Variants in FYN observed in about 807,000 individuals in gnomAD.
The protein encoded by FYN is tyrosine-protein kinase Fyn.
Under a neutral mutation model 70.2 loss-of-function variants are expected in FYN, and 10 were observed. The ratio of observed to expected loss-of-function variants is 0.14; its 90% CI spans 0.09 to 0.24. The LOEUF is 0.24. FYN is among the 10% of genes least tolerant of loss of function. FYN has a pLI of 1.00. For synonymous variants in FYN, 236 were observed against 248.6 expected (o/e 0.95, Z 0.48); for missense variants, 319 against 673.1 (o/e 0.47, Z 5.82).
At chr6:111,747,684 A>C (rs896703568) in intron 3 of FYN, among the ~76,000 whole-genome samples, 1 of 152,226 alleles carries the variant, frequency 6.6e-6, no homozygotes, top group African/African-American at 2.4e-5. Flanking sequence ...ATGGAAACGA[A>C]AAGCTCTCAG....
intron 3 of FYN, among the ~76,000 whole-genome samples, chr6:111,763,698 C>T (rs1803097648): frequency 1.3e-5 from 2 of 152,276 alleles, no homozygotes; most frequent in South Asian, 2.1e-4. Context: ...ATTCATGCTA[C>T]AAAACTTTTA....
At chr6:111,767,594 G>A (rs1803279864) in intron 3 of FYN, among the ~76,000 whole-genome samples, 1 of 152,106 alleles carries the variant, frequency 6.6e-6, no homozygotes, top group Non-Finnish European at 1.5e-5. Flanking sequence ...TAGAGATGGG[G>A]TTTCACCATG....
At chr6:111,797,040 A>C (rs1227514042) in intron 2 of FYN, among the ~76,000 whole-genome samples, 1 of 152,144 alleles carries the variant, frequency 6.6e-6, no homozygotes, top group Non-Finnish European at 1.5e-5. Context: ...TTTTTTTAAT[A>C]ATGTTGTTTC....
At chr6:111,680,551 T>A (rs1218383790) in intron 12 of FYN, among the ~76,000 whole-genome samples, 1 of 152,216 alleles carries the variant, frequency 6.6e-6, no homozygotes, top group African/African-American at 2.4e-5. Flanking sequence ...AGATAACACA[T>A]CATTACCTTG....
chr6:111,690,370 C>T (rs537798639), intron 12 of FYN, among the ~76,000 whole-genome samples: 16 of 152,316 alleles, frequency 1.1e-4, no homozygotes, highest in African/African-American at 3.8e-4. Context: ...ACTCATCTTT[C>T]TGGGCTTGGA....
At chr6:111,684,601 T>C (rs1798912779) in intron 12 of FYN, among the ~76,000 whole-genome samples, 1 of 152,148 alleles carries the variant, frequency 6.6e-6, no homozygotes, top group Admixed American at 6.5e-5. Flanking sequence ...AACTGTGACA[T>C]TCCTTCCAAA....
rs112078645 is a variant in FYN at position 111,825,042 on chromosome 6, A to G, written c.-82+21547T>C. Among the ~76,000 whole-genome samples, 673 of 152,328 alleles carry G rather than the reference A, an allele frequency of 4.4e-3. 3 individuals are homozygous for G. Among genetic ancestry groups the G allele is most frequent in the African/African-American group, 0.015 (640 of 41,582 alleles). On this transcript the variant is annotated intron_variant, in intron 2 of 13. Transcript: ENST00000354650. The stretch of plus-strand genomic sequence containing the variant: ...CTAACATGAGCACTCCACTGGTTGT[A>G]AAACCTGCTAGAAGACTGACAGAGT...
intron 8 of FYN, 53 bp from the exon 9 acceptor site, chr6:111,700,321 A>G (rs1265723418): frequency 1.3e-6 from 2 of 1,583,810 alleles, no homozygotes; most frequent in African/African-American, 2.7e-5. Flanking sequence ...AACACATGTA[A>G]TGACAACACT....
intron 13 of FYN, among the ~76,000 whole-genome samples, chr6:111,664,607 G>A (rs546993667): frequency 7.9e-5 from 12 of 151,356 alleles, no homozygotes; most frequent in East Asian, 3.9e-4. Context: ...AGCGTCTCCC[G>A]AGGCAGTCTT....
chr6:111,869,824 G>A (rs72944243), intron 1 of FYN, among the ~76,000 whole-genome samples: 2 of 152,342 alleles, frequency 1.3e-5, no homozygotes, highest in African/African-American at 2.4e-5. Flanking sequence ...AGCATCAGAT[G>A]ATTGTATCAC....
In FYN at chr6:111,873,051, TC is replaced by T. The variant is rs1315815646; in HGVS notation, c.-207del. On this transcript the variant is annotated 5_prime_UTR_variant, in exon 1 of 14. Transcript: ENST00000354650. ...GCGCGGCCGAGGCGGCTCCGGGGGG[TC>T]CCCGGCGGGCCCGGGAGCCGGTGGG... 1.4e-5 allele frequency: 2 copies of T among 146,116 alleles called. No individual in the cohort carries two copies. The highest frequency in any genetic ancestry group is 6.7e-5 in the Admixed American group (1 of 14,872). 9.1% of individuals were successfully genotyped at this position (146,116 alleles called of 1,614,324 possible). A position where few individuals can be genotyped will look rare whatever the true frequency, so the allele number is the denominator to read the frequency against.
At chr6:111,707,873 A>T in intron 6 of FYN, 49 bp downstream of exon 6, 1 of 1,407,854 alleles carries the variant, frequency 7.1e-7, no homozygotes, top group Non-Finnish European at 1.0e-6. Context: ...TTATTGCGGC[A>T]ATCAACTTTT....
chr6:111,720,992 C>A (rs1294129054), intron 3 of FYN, among the ~76,000 whole-genome samples: 2 of 152,124 alleles, frequency 1.3e-5, no homozygotes, highest in African/African-American at 4.8e-5. Flanking sequence ...CCTGTCTCGG[C>A]TCTCCTATTC....
intron 3 of FYN, among the ~76,000 whole-genome samples, chr6:111,722,526 C>T (rs550593164): frequency 6.6e-6 from 1 of 152,220 alleles, no homozygotes; most frequent in African/African-American, 2.4e-5. Flanking sequence ...ACTTCTTGTC[C>T]CAGATGTTTT....
intron 3 of FYN, among the ~76,000 whole-genome samples, chr6:111,775,959 C>T (rs941895789): frequency 4.6e-5 from 7 of 152,178 alleles, no homozygotes; most frequent in African/African-American, 1.7e-4. Flanking sequence ...AAAAGCATTT[C>T]TCCAGCCCCT....
In FYN at chr6:111,694,446, C is replaced by A. The variant is rs1310208336; in HGVS notation, c.1202G>T (p.Gly401Val). Reference sequence around the variant, plus strand: ...GAAGTCAGCAATCTTGCATATGAGTCCATTCCCCACTAGAATGTTTGCTGA... The same window carrying A: ...GAAGTCAGCAATCTTGCATATGAGTACATTCCCCACTAGAATGTTTGCTGA... ...LRSANILVGN[G>V]LICKIADFGL... The change falls in exon 12 of 14, where the codon GGA becomes GTA. Residue 401 changes from glycine to valine, a missense_variant. This residue lies in a region of FYN where 64 missense variants were observed against 223.0 expected (regional missense o/e 0.29). Coordinates refer to ENST00000354650, the MANE Select transcript of FYN (RefSeq NM_002037.5). The surrounding 1 kb of genome is among the most constrained non-coding windows in gnomAD (Gnocchi z 5.0). The A allele has an allele frequency of 4.3e-6, 7 of 1,614,186 alleles. No individual in the cohort carries two copies. Among genetic ancestry groups the A allele is most frequent in the Non-Finnish European group, 5.9e-6 (7 of 1,180,038 alleles).
At chr6:111,788,441 C>A (rs2128511349) in intron 2 of FYN, among the ~76,000 whole-genome samples, 1 of 152,312 alleles carries the variant, frequency 6.6e-6, no homozygotes, top group East Asian at 1.9e-4. Context: ...ATACAGCTAA[C>A]ACACACTTGC....
chr6:111,851,205 C>A (rs968471642), intron 1 of FYN, among the ~76,000 whole-genome samples: 1 of 152,174 alleles, frequency 6.6e-6, no homozygotes, highest in Non-Finnish European at 1.5e-5. Context: ...TGGTGTCCCC[C>A]ACATTGGGAG....
intron 3 of FYN, among the ~76,000 whole-genome samples, chr6:111,724,227 A>C (rs925857432): frequency 6.6e-6 from 1 of 152,198 alleles, no homozygotes; most frequent in East Asian, 1.9e-4. Context: ...TAAGCAGGGC[A>C]GACATTATCA....
Sources: allele counts gnomAD v4.1 joint callset (sites outside exome capture counted in the v4.1 genomes callset), GRCh38; gene constraint gnomAD v4.1.1; regional missense constraint gnomAD v4.1.1; non-coding constraint Gnocchi (gnomAD v3.1); transcripts MANE v1.5; gene names NCBI Gene and HGNC (gene_info 2026-07-23, HGNC 2026-07-21).